The following TRMT11 variants were observed in gnomAD, a reference collection of about 807,000 sequenced individuals.
The protein encoded by TRMT11 is tRNA methyltransferase 11.
A neutral mutation model predicts 62.8 loss-of-function variants in TRMT11; 53 were observed. The ratio of observed to expected loss-of-function variants is 0.84; its 90% confidence interval spans 0.68 to 1.06. The LOEUF is 1.06. TRMT11 is among the 50% of genes least tolerant of loss of function. The pLI, the probability that TRMT11 is intolerant of heterozygous loss-of-function variation, is 0.00. For synonymous variants in TRMT11, 188 were observed against 190.3 expected (o/e 0.99, Z 0.10); for missense variants, 556 against 553.4 (o/e 1.00, Z -0.05).
chr6:126,163,701 A>G (rs944876180), intron 21 of TRMT11, among the ~76,000 whole-genome samples: 4 of 152,050 alleles, frequency 2.6e-5, no homozygotes, highest in African/African-American at 7.2e-5. Flanking sequence ...TTTGGTTGGT[A>G]GGTTATTAAT....
intron 1 of TRMT11, among the ~76,000 whole-genome samples, chr6:125,993,001 G>A (rs748698966): frequency 6.6e-6 from 1 of 152,146 alleles, no homozygotes; most frequent in Non-Finnish European, 1.5e-5. Flanking sequence ...GATGGCGGTG[G>A]GCTTGGTGTT....
chr6:126,005,501 C>T (rs1005877560), intron 7 of TRMT11, among the ~76,000 whole-genome samples: 2 of 151,904 alleles, frequency 1.3e-5, no homozygotes, highest in African/African-American at 2.4e-5. Flanking sequence ...TTGCCTGACA[C>T]GTGGTAGACA....
intron 17 of TRMT11, among the ~76,000 whole-genome samples, chr6:126,077,893 G>A (rs1239240951): frequency 6.6e-6 from 1 of 152,182 alleles, no homozygotes; most frequent in Non-Finnish European, 1.5e-5. Context: ...TATGGTGAGA[G>A]TCAGAGATCC....
At chr6:126,250,646 G>T in the TRMT11 span, among the ~76,000 whole-genome samples, 1 of 151,976 alleles carries the variant, frequency 6.6e-6, no homozygotes, top group Admixed American at 6.6e-5. Context: ...CCTCCCCTCA[G>T]CCCACCCTTT....
intron 1 of TRMT11, among the ~76,000 whole-genome samples, chr6:125,991,098 T>G (rs957710715): frequency 2.6e-5 from 4 of 151,730 alleles, no homozygotes; most frequent in Admixed American, 1.3e-4. Context: ...TACAAAAAAT[T>G]AGCCAGATGT....
At chr6:126,039,623 A>G (rs986514115), downstream of TRMT11, among the ~76,000 whole-genome samples, 51 of 152,072 alleles carry the variant, frequency 3.4e-4, no homozygotes, top group African/African-American at 1.2e-3. Flanking sequence ...AATAGAAGCT[A>G]TATTTTTCTT....
intron 1 of TRMT11, among the ~76,000 whole-genome samples, chr6:125,990,333 C>A (rs757958343): frequency 2.6e-5 from 4 of 152,178 alleles, no homozygotes; most frequent in Non-Finnish European, 5.9e-5. Flanking sequence ...AACTCATTTT[C>A]AGGTGTTAAG....
intron 21 of TRMT11, among the ~76,000 whole-genome samples, chr6:126,162,521 C>G: frequency 6.6e-6 from 1 of 152,100 alleles, no homozygotes; most frequent in East Asian, 1.9e-4. Flanking sequence ...GTTCTTTTTG[C>G]TTAGGATTGT....
intron 1 of TRMT11, among the ~76,000 whole-genome samples, chr6:126,194,967 T>A (rs1019563199): frequency 1.3e-4 from 20 of 152,092 alleles, no homozygotes; most frequent in African/African-American, 4.6e-4. Flanking sequence ...ATAAAAAAAA[T>A]TAGCTGGGTG....
At chr6:126,137,706 T>A (rs1777868329) in intron 21 of TRMT11, among the ~76,000 whole-genome samples, 1 of 151,928 alleles carries the variant, frequency 6.6e-6, no homozygotes, top group South Asian at 2.1e-4. Context: ...AGCCAAGATA[T>A]GGAATCAACC....
chr6:126,158,330 A>G (rs1162858405), intron 21 of TRMT11, among the ~76,000 whole-genome samples: 2 of 152,144 alleles, frequency 1.3e-5, no homozygotes, highest in African/African-American at 4.8e-5. Flanking sequence ...TGCTGAATGC[A>G]TGCTCATGGT....
At chr6:126,224,135 A>G in the TRMT11 span, among the ~76,000 whole-genome samples, 94 of 152,248 alleles carry the variant, frequency 6.2e-4, 1 homozygote, top group East Asian at 0.017. Context: ...TCTGAATTCT[A>G]TGTCTGTCAT....
At chr6:126,189,979 T>C (rs968571999) in intron 1 of TRMT11, among the ~76,000 whole-genome samples, 2 of 152,154 alleles carry the variant, frequency 1.3e-5, no homozygotes, top group Admixed American at 6.6e-5. Context: ...TTCATACATA[T>C]ATACAATGAG....
intron 17 of TRMT11, among the ~76,000 whole-genome samples, chr6:126,094,284 G>A (rs988931560): frequency 6.6e-6 from 1 of 152,190 alleles, no homozygotes; most frequent in Non-Finnish European, 1.5e-5. Flanking sequence ...CCTGCATGGA[G>A]CTAAGAACTC....
At chr6:126,096,600 A>G (rs1777343992) in intron 17 of TRMT11, among the ~76,000 whole-genome samples, 1 of 151,718 alleles carries the variant, frequency 6.6e-6, no homozygotes, top group Middle Eastern at 3.2e-3. Flanking sequence ...CATGCTCACC[A>G]TGGGCATTAG....
At chr6:126,006,937 G>C (rs915032207) in intron 7 of TRMT11, 6 of 151,892 alleles carry the variant, frequency 4.0e-5, no homozygotes, top group African/African-American at 1.4e-4. Context: ...TGTTCCCCTT[G>C]ACAACTAGTT....
chr6:125,989,492 G>A (rs1015091892), intron 1 of TRMT11, among the ~76,000 whole-genome samples: 3 of 152,090 alleles, frequency 2.0e-5, no homozygotes, highest in African/African-American at 7.2e-5. Flanking sequence ...AAGATCATTT[G>A]TGTTTTAGAA....
chr6:126,091,203 CA>C (rs34621211), intron 17 of TRMT11, among the ~76,000 whole-genome samples: 97,303 of 132,236 alleles, frequency 0.74, 35,514 homozygotes, highest in East Asian at 0.97. Flanking sequence ...GACTCCATCT[CA>C]AAAAAAAAAA....
intron 17 of TRMT11, among the ~76,000 whole-genome samples, chr6:126,094,255 C>A (rs1225154660): frequency 1.3e-5 from 2 of 152,234 alleles, no homozygotes; most frequent in South Asian, 4.2e-4. Context: ...TCACTTAGAG[C>A]ATGGTAGTAT....
Sources: allele counts gnomAD v4.1 joint callset (sites outside exome capture counted in the v4.1 genomes callset), GRCh38; gene constraint gnomAD v4.1.1; transcripts MANE v1.5; gene names NCBI Gene and HGNC (gene_info 2026-07-23, HGNC 2026-07-21).